The following SMYD3 variants were observed in gnomAD, a reference collection of about 807,000 sequenced individuals.
The protein encoded by SMYD3 is histone-lysine N-methyltransferase SMYD3.
A neutral mutation model predicts 57.7 loss-of-function variants in SMYD3; 36 were observed. The ratio of observed to expected loss-of-function variants is 0.62; its 90% CI spans 0.48 to 0.82. SMYD3 has a LOEUF of 0.82. Ranked by LOEUF, SMYD3 falls within the 40% of genes least tolerant of loss-of-function variation. The pLI is 0.00. For missense variants in SMYD3, 515 were observed against 538.8 expected, an observed-to-expected ratio of 0.96 and a Z score of 0.44; for synonymous variants, 211 against 195.0, an observed-to-expected ratio of 1.08 and a Z score of -0.68.
intron 5 of SMYD3, among the ~76,000 whole-genome samples, chr1:246,086,378 T>G (rs2060721391): frequency 6.6e-6 from 1 of 152,198 alleles, no homozygotes; most frequent in Non-Finnish European, 1.5e-5. Context: ...AATGTTTGTA[T>G]CTGTGCATGA....
chr1:246,400,278 AGTCT>A (rs2066746279), intron 1 of SMYD3, among the ~76,000 whole-genome samples: 2 of 152,278 alleles, frequency 1.3e-5, no homozygotes, highest in Admixed American at 6.5e-5. Flanking sequence ...CACAAAGCTT[AGTCT>A]AGCAGGATAG....
intron 2 of SMYD3, among the ~76,000 whole-genome samples, chr1:246,347,891 A>G (rs2065749370): frequency 6.6e-6 from 1 of 151,790 alleles, no homozygotes; most frequent in African/African-American, 2.4e-5. Flanking sequence ...TAAGTCTTGA[A>G]CTACCATGTG....
chr1:245,884,907 C>T (rs566450565), intron 8 of SMYD3, among the ~76,000 whole-genome samples: 3 of 152,076 alleles, frequency 2.0e-5, no homozygotes, highest in African/African-American at 4.8e-5. Flanking sequence ...GAGCCAACAG[C>T]GGCAACCCAC....
At chr1:245,836,772 G>A (rs1218447771) in intron 10 of SMYD3, among the ~76,000 whole-genome samples, 1 of 152,138 alleles carries the variant, frequency 6.6e-6, no homozygotes, top group Non-Finnish European at 1.5e-5. Context: ...TGGCTTCAAT[G>A]TCTCATTTTG....
intron 8 of SMYD3, among the ~76,000 whole-genome samples, chr1:245,904,571 C>T (rs998686988): frequency 2.0e-5 from 3 of 152,164 alleles, no homozygotes; most frequent in South Asian, 2.1e-4. Flanking sequence ...GGGCAATCTC[C>T]AATCCCAGAG....
intron 5 of SMYD3, among the ~76,000 whole-genome samples, chr1:245,993,972 C>G (rs2058871125): frequency 6.6e-6 from 1 of 152,094 alleles, no homozygotes; most frequent in Non-Finnish European, 1.5e-5. Context: ...CAGGGGCTTC[C>G]TCAAAATGGA....
In SMYD3 at chr1:246,309,192, GT is replaced by G. The variant is rs1047936401; in HGVS notation, c.531+18008del. 2.2e-4 allele frequency among the ~76,000 whole-genome samples: 34 copies of G among 152,074 alleles called. 1 individual carries two copies. Among genetic ancestry groups the G allele is most frequent in the African/African-American group, 8.2e-4 (34 of 41,410 alleles). ...AAAAAAGCTTAATTGTTAAAAAAAA[GT>G]TTAATTCTCATTTAATTTTCATTTC... On this transcript the variant is annotated intron_variant, in intron 5 of 11. Transcript: ENST00000490107.
chr1:246,050,879 C>G (rs1224852706), intron 5 of SMYD3, among the ~76,000 whole-genome samples: 1 of 152,094 alleles, frequency 6.6e-6, no homozygotes, highest in Non-Finnish European at 1.5e-5. Flanking sequence ...TTGTCCCTTA[C>G]TGAATAACAA....
intron 5 of SMYD3, among the ~76,000 whole-genome samples, chr1:245,987,684 C>T (rs1246103492): frequency 6.6e-6 from 1 of 152,168 alleles, no homozygotes; most frequent in African/African-American, 2.4e-5. Flanking sequence ...CCAAGGCACA[C>T]GACTTATCAA....
At chr1:246,008,739 G>A (rs948236405) in intron 5 of SMYD3, among the ~76,000 whole-genome samples, 1 of 152,088 alleles carries the variant, frequency 6.6e-6, no homozygotes, top group Non-Finnish European at 1.5e-5. Flanking sequence ...CAATTTTCTC[G>A]GTTTCGTTTT....
intron 5 of SMYD3, among the ~76,000 whole-genome samples, chr1:246,213,796 C>T (rs139079994): frequency 6.6e-6 from 1 of 152,292 alleles, no homozygotes; most frequent in African/African-American, 2.4e-5. Context: ...CAGTTTTAAA[C>T]TTGCCTATAA....
In SMYD3 at chr1:246,258,357, G is replaced by A. The variant is rs150059370; in HGVS notation, c.531+68844C>T. Among the ~76,000 whole-genome samples, 4 of 152,220 alleles carry A rather than the reference G, an allele frequency of 2.6e-5. No homozygotes were observed. In the East Asian group the frequency reaches 7.7e-4, roughly 29 times the overall value. On this transcript the variant is annotated intron_variant, in intron 5 of 11. Coordinates refer to ENST00000490107, the MANE Select transcript of SMYD3 (RefSeq NM_001167740.2). ...GCCTCACGTATTTCTTTACAGCAATGCAAGAGCACACTAATACAGAACACC... is the reference window on the plus strand; with the variant it reads ...GCCTCACGTATTTCTTTACAGCAATACAAGAGCACACTAATACAGAACACC...
At chr1:246,135,070 A>C (rs190817761) in intron 5 of SMYD3, among the ~76,000 whole-genome samples, 23 of 152,254 alleles carry the variant, frequency 1.5e-4, no homozygotes, top group Middle Eastern at 3.4e-3. Flanking sequence ...ATTACAGTTC[A>C]GGAAAATCAC....
chr1:246,101,838 C>A (rs2061021398), intron 5 of SMYD3, among the ~76,000 whole-genome samples: 1 of 152,222 alleles, frequency 6.6e-6, no homozygotes, highest in Non-Finnish European at 1.5e-5. Context: ...GTCTTTTGAG[C>A]TCAATGCCCT....
chr1:246,445,466 G>A (rs2067538568), intron 1 of SMYD3, among the ~76,000 whole-genome samples: 1 of 152,128 alleles, frequency 6.6e-6, no homozygotes, highest in Admixed American at 6.5e-5. Flanking sequence ...TAGAACATAA[G>A]AATTTGTCCT....
intron 1 of SMYD3, among the ~76,000 whole-genome samples, chr1:246,386,641 T>TAA (rs35215830): frequency 0.045 from 6,569 of 144,560 alleles, 177 homozygotes; most frequent in Non-Finnish European, 0.051. Flanking sequence ...TTTTAATTGT[T>TAA]AAAAAAAAAA....
intron 11 of SMYD3, among the ~76,000 whole-genome samples, chr1:245,757,507 T>C (rs993621000): frequency 3.3e-5 from 5 of 152,118 alleles, no homozygotes; most frequent in Middle Eastern, 3.2e-3. Context: ...CTATGCCCAA[T>C]GTCATGAGGC....
At chr1:246,264,860 C>G (rs2064074716) in intron 5 of SMYD3, among the ~76,000 whole-genome samples, 1 of 152,154 alleles carries the variant, frequency 6.6e-6, no homozygotes, top group South Asian at 2.1e-4. Flanking sequence ...GTGCTATGTT[C>G]TAAACACTTT....
chr1:246,339,319 TTA>T (rs1235810112), intron 2 of SMYD3, among the ~76,000 whole-genome samples: 11 of 152,190 alleles, frequency 7.2e-5, no homozygotes, highest in African/African-American at 2.7e-4. Context: ...ACCTCAGCAT[TTA>T]TATACTAAAA....
Sources: allele counts gnomAD v4.1 joint callset (sites outside exome capture counted in the v4.1 genomes callset), GRCh38; gene constraint gnomAD v4.1.1; transcripts MANE v1.5; gene names NCBI Gene and HGNC (gene_info 2026-07-23, HGNC 2026-07-21).